The following M1AP variants were observed in gnomAD, a reference collection of about 807,000 sequenced individuals.
M1AP encodes meiosis 1 associated protein.
M1AP carries 39 observed loss-of-function variants against 51.2 expected under a neutral mutation model. The ratio of observed to expected loss-of-function variants is 0.76; its 90% CI spans 0.59 to 1.00. The LOEUF is 1.00. Ranked by LOEUF, M1AP falls within the 50% of genes least tolerant of loss-of-function variation. M1AP has a pLI of 0.00. For missense variants in M1AP, 545 were observed against 641.2 expected, an observed-to-expected ratio of 0.85 and a Z score of 1.62; for synonymous variants, 251 against 249.2, an observed-to-expected ratio of 1.01 and a Z score of -0.07.
chr2:74,580,644 A>G (rs907368630), intron 5 of M1AP, among the ~76,000 whole-genome samples: 1 of 152,200 alleles, frequency 6.6e-6, no homozygotes, highest in Non-Finnish European at 1.5e-5. Context: ...GAAAAGGAAC[A>G]TATATAAAAA....
chr2:74,615,386 C>T (rs1186626678), intron 2 of M1AP: 2 of 490,220 alleles, frequency 4.1e-6, no homozygotes, highest in East Asian at 3.6e-5. Context: ...TTACCAGAAA[C>T]ATGAAAGGAA....
chr2:74,639,988 C>G, intron 2 of M1AP, 48 bp downstream of exon 2: 1 of 1,505,926 alleles, frequency 6.6e-7, no homozygotes. Context: ...GAAACCTTAC[C>G]ACTGTATTTG....
intron 9 of M1AP, 37 bp from the exon 10 acceptor site, chr2:74,559,746 A>C (rs1314039298): frequency 1.4e-6 from 1 of 718,088 alleles, no homozygotes; most frequent in Admixed American, 2.0e-5. Context: ...ATAAGCAAGC[A>C]CTTATCATAA....
At chr2:74,624,512 A>G (rs1275541872) in intron 2 of M1AP, among the ~76,000 whole-genome samples, 7 of 152,234 alleles carry the variant, frequency 4.6e-5, no homozygotes, top group East Asian at 1.9e-4. Flanking sequence ...TCAAGAAACC[A>G]GAATGCAGTT....
chr2:74,580,000 A>C lies in M1AP; in HGVS notation c.769+1674T>G, dbSNP rs149778881. ...TTTTTTATTTTTATTTTTTGTAGAGACAGGTCTATGTTACACAGGCTGTCA... is the reference window on the plus strand; with the variant it reads ...TTTTTTATTTTTATTTTTTGTAGAGCCAGGTCTATGTTACACAGGCTGTCA... On this transcript the variant is annotated intron_variant, in intron 5 of 10. Coordinates refer to ENST00000421985, the MANE Select transcript of M1AP (RefSeq NM_001321739.2). 1.3e-3 allele frequency among the ~76,000 whole-genome samples: 198 copies of C among 152,054 alleles called. 1 individual carries two copies. The highest frequency in any genetic ancestry group is 4.6e-3 in the African/African-American group (190 of 41,456).
chr2:74,585,807 G>T (rs1267294276), intron 4 of M1AP, among the ~76,000 whole-genome samples: 1 of 152,092 alleles, frequency 6.6e-6, no homozygotes, highest in Non-Finnish European at 1.5e-5. Context: ...GTCATTCTAG[G>T]AATTCATTTC....
At chr2:74,584,306 C>T (rs1011343484) in intron 4 of M1AP, among the ~76,000 whole-genome samples, 3 of 151,954 alleles carry the variant, frequency 2.0e-5, no homozygotes, top group Non-Finnish European at 2.9e-5. Flanking sequence ...AAAGTGGCGG[C>T]TACTAAAGCA....
chr2:74,645,910 G>A (rs1683582756), intron 1 of M1AP, among the ~76,000 whole-genome samples: 1 of 152,144 alleles, frequency 6.6e-6, no homozygotes. Flanking sequence ...ATAGATTTCA[G>A]TTACTACAGT....
chr2:74,604,032 C>T (rs376475743), intron 4 of M1AP, among the ~76,000 whole-genome samples: 23 of 146,902 alleles, frequency 1.6e-4, no homozygotes, highest in South Asian at 6.5e-4. Flanking sequence ...GGTCCCAAAG[C>T]CCTTGAACTC....
intron 4 of M1AP, among the ~76,000 whole-genome samples, chr2:74,583,254 A>G (rs1679520090): frequency 6.6e-6 from 1 of 152,228 alleles, no homozygotes; most frequent in Admixed American, 6.5e-5. Context: ...AAAAATTAAA[A>G]GGAAAAAAGA....
At chr2:74,561,066 G>A (rs965438453) in intron 8 of M1AP, among the ~76,000 whole-genome samples, 2 of 137,484 alleles carry the variant, frequency 1.5e-5, no homozygotes, top group Admixed American at 7.0e-5. Flanking sequence ...GAGGAGGGGA[G>A]GAGGAGGAGG....
chr2:74,642,030 A>G (rs1683326569), intron 1 of M1AP, among the ~76,000 whole-genome samples: 1 of 151,696 alleles, frequency 6.6e-6, no homozygotes, highest in Non-Finnish European at 1.5e-5. Context: ...TTTTTAGTAG[A>G]GACAGGGTTT....
chr2:74,561,661 C>T lies in M1AP; in HGVS notation c.1281+556G>A, dbSNP rs114099303. 6.0e-3 allele frequency among the ~76,000 whole-genome samples: 909 copies of T among 152,204 alleles called. 7 individuals are homozygous for T. The highest frequency in any genetic ancestry group is 0.02 in the Middle Eastern group (6 of 294). On this transcript the variant is annotated intron_variant, in intron 8 of 10. Coordinates refer to ENST00000421985, the MANE Select transcript of M1AP (RefSeq NM_001321739.2). The stretch of plus-strand genomic sequence containing the variant: ...CTTCTTTCCTTTCCCTCCCAAAGTT[C>T]TGCTCTCCCTTGTCTAACTTCACAA...
chr2:74,561,830 ACAT>A, intron 8 of M1AP: 1 of 952,396 alleles, frequency 1.0e-6, no homozygotes, highest in Non-Finnish European at 1.3e-6. Context: ...CCCTGGCCTG[ACAT>A]CAGGTTTCCA....
chr2:74,589,980 A>G (rs915078813), intron 4 of M1AP, among the ~76,000 whole-genome samples: 4 of 152,166 alleles, frequency 2.6e-5, no homozygotes, highest in African/African-American at 9.7e-5. Flanking sequence ...CAAATCTTAT[A>G]ATGTTTTAAG....
At chr2:74,629,097 A>G (rs1682561840) in intron 2 of M1AP, among the ~76,000 whole-genome samples, 1 of 152,260 alleles carries the variant, frequency 6.6e-6, no homozygotes, top group African/African-American at 2.4e-5. Context: ...CTGTTTTATT[A>G]GAGTTTTTAC....
chr2:74,568,058 G>A (rs1201331597), intron 7 of M1AP, among the ~76,000 whole-genome samples: 2 of 152,248 alleles, frequency 1.3e-5, no homozygotes, highest in Non-Finnish European at 2.9e-5. Context: ...GAGGACTGGT[G>A]CGTTGGCACT....
In M1AP at chr2:74,605,759, G is replaced by A. The variant is rs558242977; in HGVS notation, c.595+1296C>T. Among the ~76,000 whole-genome samples, 18 of 152,106 alleles carry A rather than the reference G, an allele frequency of 1.2e-4. No individual in the cohort carries two copies. In the East Asian group the frequency reaches 3.3e-3, roughly 28 times the overall value. On this transcript the variant is annotated intron_variant, in intron 4 of 10. Transcript: ENST00000421985. ...ACTAAAAATACAAAAAAATTAGCTG[G>A]GCTTGGTGGCGGGTGCCTGTAATCC...
intron 8 of M1AP, among the ~76,000 whole-genome samples, chr2:74,561,103 GAGGAGGAGA>G (rs1558643592): frequency 3.5e-4 from 27 of 76,646 alleles, no homozygotes; most frequent in African/African-American, 1.1e-3. Context: ...GGAGAAGGAG[GAGGAGGAGA>G]AGGAGGAGGA....
Sources: allele counts gnomAD v4.1 joint callset (sites outside exome capture counted in the v4.1 genomes callset), GRCh38; gene constraint gnomAD v4.1.1; transcripts MANE v1.5; gene names NCBI Gene and HGNC (gene_info 2026-07-23, HGNC 2026-07-21).